Variants in SLC25A18 observed in about 807,000 individuals in gnomAD.
The protein encoded by SLC25A18 is solute carrier family 25 member 18, also known as mitochondrial glutamate carrier 2.
SLC25A18 carries 24 observed loss-of-function variants against 31.1 expected under a neutral mutation model. That is an observed-to-expected ratio of 0.77 (90% CI 0.56 to 1.08). The LOEUF is 1.08. Ranked by LOEUF, SLC25A18 falls within the 50% of genes least tolerant of loss-of-function variation. The pLI is 0.00. For synonymous variants in SLC25A18, 173 were observed against 161.9 expected, an observed-to-expected ratio of 1.07 and a Z score of -0.52; for missense variants, 371 against 418.5, an observed-to-expected ratio of 0.89 and a Z score of 0.99.
At chr22:17,576,876 T>C (rs1406334562) in intron 2 of SLC25A18, among the ~76,000 whole-genome samples, 12 of 152,250 alleles carry the variant, frequency 7.9e-5, no homozygotes, top group Non-Finnish European at 1.5e-5. Flanking sequence ...CTCTGGCATC[T>C]GTTAAATACC....
In SLC25A18 at chr22:17,582,635, G is replaced by A. The variant is rs139495457; in HGVS notation, c.272G>A (p.Arg91Gln). 1.2e-4 allele frequency: 186 copies of A among 1,603,228 alleles called. No homozygotes were observed. In the African/African-American group the frequency reaches 1.8e-3, roughly 15 times the overall value. The change falls in exon 6 of 11, where the codon CGG (arginine) becomes CAG (glutamine). Residue 91 changes from arginine (R) to glutamine (Q), a missense_variant. By Grantham distance (43) the Arg-to-Gln change is conservative. Transcript: ENST00000327451. ...IKLAANDFFR[R>Q]LLMEDGMQRN... ...CTGGCGGCCAACGACTTTTTCCGGC[G>A]GCTGCTCATGGAAGATGGGTATGGC...
chr22:17,590,095 G>C lies in SLC25A18; in HGVS notation c.807G>C (p.Arg269Ser), dbSNP rs777772596. The change falls in exon 11 of 11, where the codon AGG becomes AGC. Residue 269 changes from arginine (R) to serine (S), a missense_variant and splice_region_variant. Arg to Ser is a moderately radical substitution (Grantham distance 110, BLOSUM62 -1). Transcript: ENST00000327451. ...DMYSGITDCA[R>S]KLWIQEGPSA... ...CTCACTGGCTCTTCTTTCTCCCCAG[G>C]AAACTCTGGATTCAGGAGGGACCAT... The C allele has an allele frequency of 3.7e-6, 6 of 1,613,910 alleles. No homozygotes were observed. Among genetic ancestry groups the C allele is most frequent in the South Asian group, 1.1e-5 (1 of 91,072 alleles).
chr22:17,581,198 CG>C, intron 4 of SLC25A18, 39 bp downstream of exon 4: 3 of 1,570,596 alleles, frequency 1.9e-6, no homozygotes, highest in African/African-American at 1.4e-5. Flanking sequence ...CAGAGGCGCC[CG>C]GGGGAGGGAT....
At chr22:17,587,018 C>G (rs892693324) in intron 7 of SLC25A18, 118 bp from the exon 8 acceptor site, 4 of 1,128,852 alleles carry the variant, frequency 3.5e-6, no homozygotes, top group South Asian at 3.0e-5. Flanking sequence ...TGGATGCCAG[C>G]TGAGGTGTCA....
chr22:17,584,399 A>AAAGAAAAG, intron 7 of SLC25A18, among the ~76,000 whole-genome samples: 1 of 110,814 alleles, frequency 9.0e-6, no homozygotes, highest in African/African-American at 3.5e-5. Context: ...TCTCAAAAAG[A>AAAGAAAAG]AAAGAAAGAA....
Position 17,587,314 on chromosome 22 carries a change from TC to T in SLC25A18, c.575+15del. ...CCACTCTCCTCAGGTGAGCCTTTCT[TC>T]CGGTTCCCTAGGACAAGTGCACGGG... is the stretch of plus-strand genomic sequence containing the variant. On this transcript the variant is annotated intron_variant, in intron 8 of 10. Transcript: ENST00000327451. The T allele has an allele frequency of 6.2e-7, 1 of 1,606,106 alleles. No individual in the cohort carries two copies. Among genetic ancestry groups the T allele is most frequent in the Non-Finnish European group, 8.5e-7 (1 of 1,177,516 alleles).
chr22:17,573,017 G>A lies in SLC25A18; in HGVS notation c.-201+3031G>A, dbSNP rs867803623. On this transcript the variant is annotated intron_variant, in intron 2 of 10. Transcript: ENST00000327451. ...AGTCTCAACAACCCAGGAGGCTGAG[G>A]CGGGAGGATCCCTTGAGTCAAGGAA... 1.3e-4 allele frequency among the ~76,000 whole-genome samples: 20 copies of A among 152,216 alleles called. No individual in the cohort carries two copies. The Middle Eastern group carries it at 0.014, about 104-fold the overall frequency.
chr22:17,569,929 C>A lies in SLC25A18; in HGVS notation c.-258C>A. 1.0e-6 allele frequency: 1 copy of A among 985,526 alleles called. No homozygotes were observed. Among genetic ancestry groups the A allele is most frequent in the Non-Finnish European group, 1.2e-6 (1 of 830,030 alleles). 61.0% of individuals were successfully genotyped at this position (985,526 alleles called of 1,614,324 possible). ...AAAGCCACCTCTCCCTGCAGCTCAG[C>A]AGCGATCTGAACTATATCCTGGGTT... On this transcript the variant is annotated 5_prime_UTR_variant, in exon 2 of 11. Transcript: ENST00000327451.
chr22:17,590,423 G>GA lies in SLC25A18; in HGVS notation c.*187_*188insA. On this transcript the variant is annotated 3_prime_UTR_variant, in exon 11 of 11. Coordinates refer to ENST00000327451, the MANE Select transcript of SLC25A18 (RefSeq NM_031481.3). ...TGAGCACAGCCTTCTTCCCCTTCGTGTCTACACTCGTTTTCCTTTGTGGGC... is the reference window on the plus strand; with the variant it reads ...TGAGCACAGCCTTCTTCCCCTTCGTGATCTACACTCGTTTTCCTTTGTGGGC... 1 of 621,986 alleles carries GA rather than the reference G, an allele frequency of 1.6e-6. No individual in the cohort carries two copies. Among genetic ancestry groups the GA allele is most frequent in the South Asian group, 3.0e-5 (1 of 33,822 alleles). The allele number at this position is 621,986 out of a possible 1,614,324, so 38.5% of individuals were successfully genotyped here.
intron 5 of SLC25A18, 161 bp from the exon 6 acceptor site, chr22:17,582,402 T>A: frequency 2.0e-6 from 1 of 500,018 alleles, no homozygotes; most frequent in Non-Finnish European, 3.5e-6. Flanking sequence ...TGGTAGGGAG[T>A]GGGAATGGAA....
At chr22:17,577,405 G>A (rs1300319933) in intron 2 of SLC25A18, among the ~76,000 whole-genome samples, 9 of 151,568 alleles carry the variant, frequency 5.9e-5, no homozygotes, top group African/African-American at 7.3e-5. Flanking sequence ...TGATCCGCCC[G>A]CCTCAGCCTC....
At chr22:17,588,903 A>AT (rs1046814719) in intron 9 of SLC25A18, 1 of 151,360 alleles carries the variant, frequency 6.6e-6, no homozygotes, top group African/African-American at 2.4e-5. Context: ...CTAAAAAAAA[A>AT]AAATGAAAAC....
chr22:17,573,348 C>T lies in SLC25A18; in HGVS notation c.-201+3362C>T, dbSNP rs553387634. 6.3e-3 allele frequency among the ~76,000 whole-genome samples: 957 copies of T among 152,178 alleles called. 9 individuals carry two copies. Among genetic ancestry groups the T allele is most frequent in the African/African-American group, 0.022 (894 of 41,520 alleles). ...GGTGAGATCAGTTGACAGTGCTGCA[C>T]CTCCTCTCTGACTTCCTCCCCACTT... is the stretch of plus-strand genomic sequence containing the variant. On this transcript the variant is annotated intron_variant, in intron 2 of 10. Coordinates refer to ENST00000327451, the MANE Select transcript of SLC25A18 (RefSeq NM_031481.3).
At chr22:17,585,897 C>A (rs1387781640) in intron 7 of SLC25A18, among the ~76,000 whole-genome samples, 1 of 152,044 alleles carries the variant, frequency 6.6e-6, no homozygotes, top group Admixed American at 6.6e-5. Flanking sequence ...AGGTGATACG[C>A]CTGCCTTGGC....
At chr22:17,568,164 A>G (rs531030053) in intron 1 of SLC25A18, among the ~76,000 whole-genome samples, 62 of 152,146 alleles carry the variant, frequency 4.1e-4, no homozygotes, top group African/African-American at 1.4e-3. Context: ...GGAGATCAAG[A>G]CCATCCTGGC....
In SLC25A18 at chr22:17,587,197, G is replaced by A. The variant is rs759516767; in HGVS notation, c.471G>A (p.Ser157=). 3.8e-5 allele frequency: 61 copies of A among 1,613,988 alleles called. No individual in the cohort carries two copies. The highest frequency in any genetic ancestry group is 1.1e-4 in the African/African-American group (8 of 74,904). Residue 157 remains serine (S), a synonymous_variant, in exon 8 of 11, where the codon TCG becomes TCA. Coordinates refer to ENST00000327451, the MANE Select transcript of SLC25A18 (RefSeq NM_031481.3). ...PSTSRSYTTG[S]ASTHRRPSAT... Reference sequence around the variant, plus strand: ...CCTCCAGGTCCTACACAACTGGTTCGGCTTCCACCCACAGGCGCCCCTCTG... The same window carrying A: ...CCTCCAGGTCCTACACAACTGGTTCAGCTTCCACCCACAGGCGCCCCTCTG...
At chr22:17,587,758 G>A in intron 8 of SLC25A18, 167 bp from the exon 9 acceptor site, 4 of 753,372 alleles carry the variant, frequency 5.3e-6, no homozygotes, top group South Asian at 3.6e-5. Flanking sequence ...CAGCTCTTTT[G>A]TCCCCTGCTG....
intron 2 of SLC25A18, among the ~76,000 whole-genome samples, chr22:17,575,752 C>G (rs1234046219): frequency 2.0e-5 from 3 of 152,184 alleles, no homozygotes; most frequent in African/African-American, 7.2e-5. Flanking sequence ...CACCTTTTGA[C>G]ACTAAGAACA....
chr22:17,579,736 A>G lies in SLC25A18; in HGVS notation c.-200-9A>G. On this transcript the variant is annotated splice_polypyrimidine_tract_variant and intron_variant, in intron 2 of 10. Coordinates refer to ENST00000327451, the MANE Select transcript of SLC25A18 (RefSeq NM_031481.3). ...CTGTGAGGTGAGTGTTTCTCTGACT[A>G]CTTTGCAGGGGAGGAAGCCGCAGCC... 1.4e-6 allele frequency: 2 copies of G among 1,383,578 alleles called. No individual in the cohort carries two copies. Among genetic ancestry groups the G allele is most frequent in the Non-Finnish European group, 1.9e-6 (2 of 1,070,612 alleles). 85.7% of individuals were successfully genotyped at this position (1,383,578 alleles called of 1,614,324 possible).
Sources: allele counts gnomAD v4.1 joint callset (sites outside exome capture counted in the v4.1 genomes callset), GRCh38; gene constraint gnomAD v4.1.1; transcripts MANE v1.5; gene names NCBI Gene and HGNC (gene_info 2026-07-23, HGNC 2026-07-21).